The following MUSK variants were observed in gnomAD, a reference collection of about 807,000 sequenced individuals.
MUSK encodes the protein muscle, skeletal receptor tyrosine-protein kinase.
MUSK carries 55 observed loss-of-function variants against 88.7 expected under a neutral mutation model. The observed-to-expected ratio is 0.62, with a 90% CI of 0.50 to 0.78. The LOEUF is 0.78. MUSK is among the 30% of genes least tolerant of loss of function. MUSK has a pLI of 0.00. For synonymous variants in MUSK, 387 were observed against 391.9 expected (o/e 0.99, Z 0.15); for missense variants, 1,015 against 1,074.3 (o/e 0.94, Z 0.77).
chr9:110,740,439 G>C lies in MUSK; in HGVS notation c.753+6064G>C, dbSNP rs72756520. On this transcript the variant is annotated intron_variant, in intron 6 of 14. Coordinates refer to ENST00000374448, the MANE Select transcript of MUSK (RefSeq NM_005592.4). ...CACTTCTGGTGTCTGTGCCTACAAT[G>C]ATGAGCGCCAAAAATCCCAGAGTGT... Among the ~76,000 whole-genome samples, 1,315 of 152,190 alleles carry C rather than the reference G, an allele frequency of 8.6e-3. 9 individuals are homozygous for C. The highest frequency in any genetic ancestry group is 0.019 in the South Asian group (91 of 4,814).
Position 110,755,981 on chromosome 9 carries a change from T to TATATATATACATATATATATATAC in MUSK, c.914-6212_914-6211insCATATATATATATACATATATATA, listed in dbSNP as rs1564269096. Among the ~76,000 whole-genome samples, 88 of 108,060 alleles carry TATATATATACATATATATATATAC rather than the reference T, an allele frequency of 8.1e-4. 5 individuals are homozygous for TATATATATACATATATATATATAC. Among genetic ancestry groups the TATATATATACATATATATATATAC allele is most frequent in the South Asian group, 2.4e-3 (8 of 3,270 alleles). The allele number at this position is 108,060 out of a possible 152,430, so 70.9% of individuals were successfully genotyped here. ...ATATATATACATATATATATATACA[T>TATATATATACATATATATATATAC]ATATATATATATATATGAATTTATT... On this transcript the variant is annotated intron_variant, in intron 7 of 14. Transcript: ENST00000374448.
At chr9:110,734,490 C>T in intron 6 of MUSK, 115 bp downstream of exon 6, 1 of 1,286,410 alleles carries the variant, frequency 7.8e-7, no homozygotes, top group Non-Finnish European at 1.1e-6. Flanking sequence ...ACCTACACCA[C>T]TTTTCAAAGC....
At chr9:110,722,237 A>G (rs535763028) in intron 5 of MUSK, among the ~76,000 whole-genome samples, 129 of 152,300 alleles carry the variant, frequency 8.5e-4, no homozygotes, top group South Asian at 1.2e-3. Flanking sequence ...AAAGAAAAAT[A>G]GATGGGACTT....
At chr9:110,680,446 C>T (rs142544512) in intron 1 of MUSK, among the ~76,000 whole-genome samples, 2 of 148,384 alleles carry the variant, frequency 1.3e-5, no homozygotes, top group East Asian at 2.0e-4. Flanking sequence ...TGCAGTGGTG[C>T]GATCTCAGCT....
At chr9:110,730,051 T>A (rs994229240) in intron 5 of MUSK, among the ~76,000 whole-genome samples, 3 of 152,050 alleles carry the variant, frequency 2.0e-5, no homozygotes, top group Admixed American at 2.0e-4. Flanking sequence ...AATGTGGGTA[T>A]GTTATAAAAG....
At position 110,800,677 on chromosome 9, in the gene MUSK, C is replaced by T. The variant is rs1564300948; in HGVS notation, c.2299C>T (p.Arg767Cys). 1.2e-6 allele frequency: 2 copies of T among 1,613,990 alleles called. No homozygotes were observed. The highest frequency in any genetic ancestry group is 1.1e-5 in the South Asian group (1 of 91,082). ...TAATGAAAACGACGCTATCCCTATC[C>T]GTTGGATGCCACCAGAGTCCATTTT... ...KANENDAIPI[R>C]WMPPESIFYN... is the part of the protein sequence containing the mutation. The change falls in exon 15 of 15, where the codon CGT becomes TGT. Residue 767 changes from arginine (R) to cysteine (C), a missense_variant. Arg to Cys is a radical substitution (Grantham distance 180). Transcript: ENST00000374448.
chr9:110,697,252 TTGA>T (rs2076442898), intron 4 of MUSK, 70 bp from the exon 5 acceptor site: 1 of 1,490,550 alleles, frequency 6.7e-7, no homozygotes. Flanking sequence ...TGACAATAAG[TTGA>T]TGATATTTGG....
At chr9:110,787,911 G>T (rs554397639) in intron 14 of MUSK, 73 bp downstream of exon 14, 1 of 1,518,226 alleles carries the variant, frequency 6.6e-7, no homozygotes, top group African/African-American at 1.4e-5. Flanking sequence ...CCCCTTGTTC[G>T]TGCTTTTTCC....
chr9:110,691,164 C>T (rs541782261), intron 3 of MUSK, among the ~76,000 whole-genome samples: 1 of 152,182 alleles, frequency 6.6e-6, no homozygotes, highest in South Asian at 2.1e-4. Context: ...TTTGTGTTAA[C>T]TCTTTATCAG....
chr9:110,770,049 C>T (rs1209084248), intron 9 of MUSK, among the ~76,000 whole-genome samples: 1 of 151,846 alleles, frequency 6.6e-6, no homozygotes, highest in African/African-American at 2.4e-5. Context: ...CTTATATTTA[C>T]TTATATCTAT....
intron 10 of MUSK, 104 bp downstream of exon 10, chr9:110,776,067 A>AT (rs11349092): frequency 0.066 from 69,858 of 1,057,596 alleles, 243 homozygotes; most frequent in South Asian, 0.089. Flanking sequence ...GGCATTTCTA[A>AT]TTTTTTTTTT....
chr9:110,774,424 GAAAAC>G (rs1227456366), intron 9 of MUSK, among the ~76,000 whole-genome samples: 1 of 152,138 alleles, frequency 6.6e-6, no homozygotes, highest in Non-Finnish European at 1.5e-5. Flanking sequence ...GCATGGCAAT[GAAAAC>G]AAAGCAAACC....
In MUSK at chr9:110,743,783, G is replaced by A. The variant is rs569313624; in HGVS notation, c.754-3858G>A. 8.5e-5 allele frequency among the ~76,000 whole-genome samples: 13 copies of A among 152,230 alleles called. No homozygotes were observed. The East Asian group carries it at 2.5e-3, about 29-fold the overall frequency. Reference sequence around the variant, plus strand: ...GCTGTGTAAACCAAAATAATTACATGTAACAAGTCTTATGTGGAATAATTC... The same window carrying A: ...GCTGTGTAAACCAAAATAATTACATATAACAAGTCTTATGTGGAATAATTC... On this transcript the variant is annotated intron_variant, in intron 6 of 14. Transcript: ENST00000374448.
intron 6 of MUSK, among the ~76,000 whole-genome samples, chr9:110,735,893 C>T (rs901889902): frequency 3.3e-5 from 5 of 152,086 alleles, no homozygotes; most frequent in African/African-American, 1.2e-4. Context: ...CACTCACTCA[C>T]TATCATGAGA....
At chr9:110,743,441 A>T (rs2077129633) in intron 6 of MUSK, among the ~76,000 whole-genome samples, 1 of 152,170 alleles carries the variant, frequency 6.6e-6, no homozygotes, top group Non-Finnish European at 1.5e-5. Flanking sequence ...AAAGAAAATT[A>T]TTTGTATTTT....
At chr9:110,692,795 A>G (rs534068354) in intron 3 of MUSK, among the ~76,000 whole-genome samples, 26 of 152,202 alleles carry the variant, frequency 1.7e-4, no homozygotes, top group Admixed American at 3.3e-4. Flanking sequence ...GGATATCACT[A>G]GTGCATCTTT....
At chr9:110,690,319 AAT>A (rs1286136482) in intron 3 of MUSK, among the ~76,000 whole-genome samples, 1 of 94,866 alleles carries the variant, frequency 1.1e-5, no homozygotes, top group Non-Finnish European at 1.8e-5. Flanking sequence ...TAAATATAGA[AAT>A]ATATATTTAA....
intron 5 of MUSK, among the ~76,000 whole-genome samples, chr9:110,715,273 C>T (rs2076730203): frequency 6.7e-6 from 1 of 149,650 alleles, no homozygotes; most frequent in Non-Finnish European, 1.5e-5. Flanking sequence ...TAATTAATTG[C>T]TTTATATAAA....
chr9:110,681,022 T>A (rs868414948), intron 1 of MUSK, among the ~76,000 whole-genome samples: 7 of 20,634 alleles, frequency 3.4e-4, no homozygotes, highest in Admixed American at 2.9e-3. Flanking sequence ...ATAATATATA[T>A]TATATATTAT....
Sources: gnomAD v4.1 joint callset for allele counts (sites outside exome capture counted in the v4.1 genomes callset) on GRCh38, gnomAD v4.1.1 for gene constraint, MANE v1.5 for transcripts, NCBI Gene and HGNC (gene_info 2026-07-23, HGNC 2026-07-21) for gene names.